The following ARHGAP42 variants were observed in gnomAD, a reference collection of about 807,000 sequenced individuals.
ARHGAP42 encodes rho GTPase-activating protein 42.
In ARHGAP42, 63 loss-of-function variants were observed where a neutral mutation model predicts 125.0. The observed-to-expected ratio is 0.50, with a 90% CI of 0.41 to 0.62. The LOEUF (loss-of-function observed/expected upper bound fraction) is 0.62, where lower values mean the gene tolerates loss of function less well. Among genes scored for constraint, ARHGAP42 ranks in the 20% least tolerant of loss-of-function variants. ARHGAP42 has a pLI of 0.00. For synonymous variants in ARHGAP42, 339 were observed against 351.0 expected (o/e 0.97, Z 0.38); for missense variants, 766 against 1,024.2 (o/e 0.75, Z 3.44).
At chr11:100,762,188 T>A (rs1051447605) in intron 1 of ARHGAP42, among the ~76,000 whole-genome samples, 1 of 152,232 alleles carries the variant, frequency 6.6e-6, no homozygotes, top group African/African-American at 2.4e-5. Flanking sequence ...AGACTCTGAA[T>A]ATACTTCTGC....
At chr11:100,933,364 C>T (rs1591304845) in intron 7 of ARHGAP42, 104 bp downstream of exon 7, 1 of 690,118 alleles carries the variant, frequency 1.4e-6, no homozygotes, top group Non-Finnish European at 2.2e-6. Flanking sequence ...AAAATACAAC[C>T]CACAAAACCC....
At chr11:100,724,113 T>A (rs767028148) in intron 1 of ARHGAP42, among the ~76,000 whole-genome samples, 11 of 152,200 alleles carry the variant, frequency 7.2e-5, no homozygotes, top group Non-Finnish European at 1.3e-4. Context: ...TTGTTGATAT[T>A]ATGGGCTACA....
intron 1 of ARHGAP42, among the ~76,000 whole-genome samples, chr11:100,713,463 C>A (rs1343238937): frequency 2.0e-5 from 3 of 152,138 alleles, no homozygotes; most frequent in African/African-American, 7.2e-5. Context: ...GTTCTTAGCG[C>A]TCTCTGAGGC....
chr11:100,962,527 A>C, intron 16 of ARHGAP42, 60 bp downstream of exon 16: 2 of 1,378,278 alleles, frequency 1.5e-6, no homozygotes, highest in Non-Finnish European at 2.0e-6. Flanking sequence ...TGCCATACTT[A>C]GGCATATATT....
At chr11:100,799,120 A>G (rs1053982665) in intron 3 of ARHGAP42, among the ~76,000 whole-genome samples, 2 of 152,232 alleles carry the variant, frequency 1.3e-5, no homozygotes, top group African/African-American at 2.4e-5. Flanking sequence ...GTTATAGGCA[A>G]TGGGAGAATT....
chr11:100,776,114 G>A (rs1341560336), intron 2 of ARHGAP42, among the ~76,000 whole-genome samples: 7 of 151,260 alleles, frequency 4.6e-5, no homozygotes, highest in East Asian at 3.9e-4. Context: ...AGCTGAGATC[G>A]TGCCATTGCA....
intron 12 of ARHGAP42, among the ~76,000 whole-genome samples, chr11:100,952,963 G>C (rs998376505): frequency 1.1e-4 from 16 of 152,060 alleles, no homozygotes; most frequent in African/African-American, 3.9e-4. Context: ...TCAAACTCCT[G>C]TCGAACTCCT....
At chr11:100,735,002 A>AC (rs576426134) in intron 1 of ARHGAP42, among the ~76,000 whole-genome samples, 1 of 151,802 alleles carries the variant, frequency 6.6e-6, no homozygotes, top group Non-Finnish European at 1.5e-5. Flanking sequence ...TACAACAACA[A>AC]AACAACAACA....
chr11:100,877,049 A>G (rs1490214461), intron 4 of ARHGAP42, among the ~76,000 whole-genome samples: 7 of 152,190 alleles, frequency 4.6e-5, no homozygotes, highest in African/African-American at 1.7e-4. Flanking sequence ...AACTTGCCTT[A>G]TTTGGTAAAT....
intron 1 of ARHGAP42, among the ~76,000 whole-genome samples, chr11:100,732,889 A>G (rs1439449593): frequency 6.7e-6 from 1 of 149,496 alleles, no homozygotes; most frequent in African/African-American, 2.6e-5. Context: ...TTTTATACTA[A>G]TTATTCTACT....
chr11:100,846,812 A>G (rs1363427213), intron 3 of ARHGAP42, among the ~76,000 whole-genome samples: 1 of 152,126 alleles, frequency 6.6e-6, no homozygotes. Context: ...AACTTGGCTG[A>G]GGTTTAAAAA....
At chr11:100,926,748 G>A (rs7948907) in intron 6 of ARHGAP42, among the ~76,000 whole-genome samples, 14,588 of 152,156 alleles carry the variant, frequency 0.096, 967 homozygotes, top group Non-Finnish European at 0.13. Flanking sequence ...CTTCATTAGC[G>A]TCAATAAGGC....
intron 22 of ARHGAP42, among the ~76,000 whole-genome samples, chr11:100,987,136 A>T (rs1015092100): frequency 2.6e-5 from 4 of 151,828 alleles, no homozygotes; most frequent in African/African-American, 9.7e-5. Context: ...AAAGTGGGGG[A>T]AAAAAAAGCT....
At chr11:100,697,005 A>G (rs938181322) in intron 1 of ARHGAP42, among the ~76,000 whole-genome samples, 6 of 152,102 alleles carry the variant, frequency 3.9e-5, no homozygotes, top group Non-Finnish European at 7.3e-5. Flanking sequence ...GTCAGGTAAC[A>G]TGTAAAAAAA....
intron 18 of ARHGAP42, 91 bp from the exon 19 acceptor site, chr11:100,974,368 G>A: frequency 8.2e-7 from 1 of 1,217,004 alleles, no homozygotes; most frequent in Non-Finnish European, 1.1e-6. Flanking sequence ...TTTTGCAGCT[G>A]ATTAAGTAGC....
intron 4 of ARHGAP42, among the ~76,000 whole-genome samples, chr11:100,871,545 T>TAA (rs35883788): frequency 0.31 from 38,972 of 127,414 alleles, 5,821 homozygotes; most frequent in Non-Finnish European, 0.33. Context: ...GACTGTTTCT[T>TAA]AAAAAAAAAA....
intron 3 of ARHGAP42, among the ~76,000 whole-genome samples, chr11:100,830,239 C>T (rs947111652): frequency 6.6e-6 from 1 of 152,136 alleles, no homozygotes; most frequent in Non-Finnish European, 1.5e-5. Flanking sequence ...ACTGAATGCT[C>T]TTTGGAAGAC....
intron 4 of ARHGAP42, among the ~76,000 whole-genome samples, chr11:100,862,608 T>G (rs1865470700): frequency 6.6e-6 from 1 of 152,206 alleles, no homozygotes; most frequent in African/African-American, 2.4e-5. Flanking sequence ...TCTTGAGCAT[T>G]AATATTATTG....
At chr11:100,831,217 A>T (rs1864656084) in intron 3 of ARHGAP42, among the ~76,000 whole-genome samples, 1 of 152,128 alleles carries the variant, frequency 6.6e-6, no homozygotes, top group African/African-American at 2.4e-5. Flanking sequence ...TGTTGTGATG[A>T]TTATACAGAG....
Sources: allele counts gnomAD v4.1 joint callset (sites outside exome capture counted in the v4.1 genomes callset), GRCh38; gene constraint gnomAD v4.1.1; transcripts MANE v1.5; gene names NCBI Gene and HGNC (gene_info 2026-07-23, HGNC 2026-07-21).